Variants in RBM44 observed in about 807,000 individuals in gnomAD.
RBM44 encodes RNA binding motif protein 44.
In RBM44, 66 loss-of-function variants were observed where a neutral mutation model predicts 105.1. The ratio of observed to expected loss-of-function variants is 0.63; its 90% CI spans 0.52 to 0.77. The LOEUF (loss-of-function observed/expected upper bound fraction) is 0.77. Ranked by LOEUF, RBM44 falls within the 30% of genes least tolerant of loss-of-function variation. The probability of loss-of-function intolerance (pLI) is 0.00; values close to 1 mark genes in which losing one functional copy is unlikely to be tolerated. For synonymous variants in RBM44, 365 were observed against 417.6 expected (o/e 0.87, Z 1.54); for missense variants, 1,122 against 1,207.8 (o/e 0.93, Z 1.05).
At chr2:237,816,926 C>A in intron 2 of RBM44, 67 bp from the exon 3 acceptor site, 1 of 986,846 alleles carries the variant, frequency 1.0e-6, no homozygotes, top group Non-Finnish European at 1.5e-6. Flanking sequence ...CAGATCATGT[C>A]TAAGGTTTTT....
rs748437404 is a variant in RBM44, at chr2:237,826,631, G to A, written c.2450-619G>A. On this transcript the variant is annotated intron_variant, in intron 10 of 15. Transcript: ENST00000316997. ...CTAGCTCTAGCCAGCATTAACACTA[G>A]GGAGTTAAGATCCTGTGTGTGTCCA... Among the ~76,000 whole-genome samples the A allele has an allele frequency of 1.1e-3, 165 of 152,198 alleles. 1 individual carries two copies. The highest frequency in any genetic ancestry group is 7.1e-4 in the Non-Finnish European group (48 of 68,002).
chr2:237,806,919 A>G (rs2150968869), intron 1 of RBM44, among the ~76,000 whole-genome samples: 1 of 152,252 alleles, frequency 6.6e-6, no homozygotes, highest in East Asian at 1.9e-4. Flanking sequence ...CTGCCACAAT[A>G]TCTACTTTTT....
In RBM44 at chr2:237,817,157, T is replaced by A. The variant is rs2061727473; in HGVS notation, c.238T>A (p.Phe80Ile). 2 of 1,605,548 alleles carry A rather than the reference T, an allele frequency of 1.2e-6. No individual in the cohort carries two copies. The highest frequency in any genetic ancestry group is 1.7e-6 in the Non-Finnish European group (2 of 1,176,366). The change falls in exon 3 of 16, where the codon TTT becomes ATT. Residue 80 changes from phenylalanine to isoleucine, a missense_variant. Around this residue, in one of 3 missense-constraint regions of RBM44, gnomAD observed 918 missense variants for 955.3 expected, o/e 0.96. Coordinates refer to ENST00000316997, the MANE Select transcript of RBM44 (RefSeq NM_001080504.3). ...NIDKMDLLEP[F>I]FSVSQDTNTE... ...TGACAAAATGGATTTATTAGAGCCATTTTTTTCAGTGAGTCAAGATACTAA... is the reference window on the plus strand; with the variant it reads ...TGACAAAATGGATTTATTAGAGCCAATTTTTTCAGTGAGTCAAGATACTAA...
At chr2:237,811,522 G>C (rs1367805164) in intron 1 of RBM44, among the ~76,000 whole-genome samples, 1 of 151,704 alleles carries the variant, frequency 6.6e-6, no homozygotes, top group East Asian at 1.9e-4. Context: ...TGCCCACCTT[G>C]GCCTCCAAAA....
chr2:237,827,205 CAG>C, intron 10 of RBM44, 43 bp from the exon 11 acceptor site: 4 of 1,039,018 alleles, frequency 3.8e-6, no homozygotes, highest in Non-Finnish European at 4.3e-6. Flanking sequence ...TGAAACATAT[CAG>C]TACAATAAAG....
chr2:237,822,650 G>T (rs1403183213), intron 8 of RBM44, among the ~76,000 whole-genome samples: 1 of 151,970 alleles, frequency 6.6e-6, no homozygotes, highest in Non-Finnish European at 1.5e-5. Context: ...AGAATTAACA[G>T]GTCAAAAACT....
chr2:237,809,375 G>A lies in RBM44; in HGVS notation c.-18-4217G>A, dbSNP rs1036996610. On this transcript the variant is annotated intron_variant, in intron 1 of 15. Transcript: ENST00000316997. ...TTTTTAAACTTTTTTCTTGACCCCC[G>A]ACTGTCTCCTTTCTTTGTTTCCCTT... Among the ~76,000 whole-genome samples the A allele has an allele frequency of 6.6e-5, 10 of 151,896 alleles. No homozygotes were observed. In the South Asian group the frequency reaches 1.2e-3, roughly 19 times the overall value.
rs1553725225 is a variant in RBM44, at chr2:237,803,331, T to TCTCA, written c.-19+4471_-19+4472insTCAC. On this transcript the variant is annotated intron_variant, in intron 1 of 15. Transcript: ENST00000316997. The surrounding 1 kb of genome is among the most constrained non-coding windows in gnomAD (Gnocchi z 4.2). ...CACACACACACACATACTCTCTCTC[T>TCTCA]CACACACACACACATACTTTCTCTC... Among the ~76,000 whole-genome samples, 425 of 150,510 alleles carry TCTCA rather than the reference T, an allele frequency of 2.8e-3. 5 individuals carry two copies. The highest frequency in any genetic ancestry group is 1.0e-2 in the African/African-American group (410 of 41,016).
At chr2:237,819,650 T>C (rs1274635450) in intron 4 of RBM44, among the ~76,000 whole-genome samples, 2 of 152,008 alleles carry the variant, frequency 1.3e-5, no homozygotes, top group Non-Finnish European at 2.9e-5. Context: ...AAAAACATAG[T>C]GATTTGGGGC....
chr2:237,801,690 T>A (rs2061547944), intron 1 of RBM44, among the ~76,000 whole-genome samples: 1 of 152,206 alleles, frequency 6.6e-6, no homozygotes, highest in Non-Finnish European at 1.5e-5. Flanking sequence ...AAGGAATGAC[T>A]CTTAACTTGG....
chr2:237,835,408 G>C (rs1440908727), intron 15 of RBM44, among the ~76,000 whole-genome samples: 1 of 152,176 alleles, frequency 6.6e-6, no homozygotes, highest in East Asian at 1.9e-4. Flanking sequence ...GCTTAGTGAG[G>C]AAGGCATGTC....
intron 13 of RBM44, 78 bp from the exon 14 acceptor site, chr2:237,833,914 ATATAT>A: frequency 1.5e-6 from 1 of 664,848 alleles, no homozygotes; most frequent in Non-Finnish European, 2.2e-6. Context: ...TAATTTTCAA[ATATAT>A]TATTGTTGAA....
chr2:237,837,557 A>G (rs189332023), intron 15 of RBM44, among the ~76,000 whole-genome samples: 4 of 152,380 alleles, frequency 2.6e-5, no homozygotes, highest in African/African-American at 9.6e-5. Flanking sequence ...ATAGCAAGAC[A>G]ATTCAAATTA....
At chr2:237,813,436 T>C (rs2061678872) in intron 1 of RBM44, among the ~76,000 whole-genome samples, 156 bp from the exon 2 acceptor site, 1 of 152,204 alleles carries the variant, frequency 6.6e-6, no homozygotes, top group South Asian at 2.1e-4. Flanking sequence ...AAGACTCAAT[T>C]TTTTAGATTT....
At position 237,833,980 on chromosome 2, in the gene RBM44, T is replaced by C; in HGVS notation, c.2887-17T>C. On this transcript the variant is annotated splice_polypyrimidine_tract_variant and intron_variant, in intron 13 of 15. Coordinates refer to ENST00000316997, the MANE Select transcript of RBM44 (RefSeq NM_001080504.3). Reference sequence around the variant, plus strand: ...GTCCTTACTGATTTTAAGAAAACTTTTTAAATGCTTATTTAGGGTGTCAAG... The same window carrying C: ...GTCCTTACTGATTTTAAGAAAACTTCTTAAATGCTTATTTAGGGTGTCAAG... The C allele has an allele frequency of 6.8e-7, 1 of 1,468,622 alleles. No individual in the cohort carries two copies. The highest frequency in any genetic ancestry group is 9.1e-7 in the Non-Finnish European group (1 of 1,099,248). 91.0% of individuals were successfully genotyped at this position (1,468,622 alleles called of 1,614,324 possible).
rs763703810 is a variant in RBM44 at position 237,820,153 on chromosome 2, A to G, written c.1737-22A>G. ...AGAAAAATGTTTGGAATCTTACCTG[A>G]TCCTATCTTTTATTTTTAAAGGGAA... On this transcript the variant is annotated intron_variant, in intron 4 of 15. Transcript: ENST00000316997. The G allele has an allele frequency of 2.9e-6, 4 of 1,397,382 alleles. No homozygotes were observed. In the South Asian group the frequency reaches 5.6e-5, roughly 20 times the overall value. The allele number at this position is 1,397,382 out of a possible 1,614,324, so 86.6% of individuals were successfully genotyped here.
chr2:237,822,586 A>G (rs2061804597), intron 8 of RBM44, among the ~76,000 whole-genome samples: 2 of 152,146 alleles, frequency 1.3e-5, no homozygotes, highest in Non-Finnish European at 1.5e-5. Context: ...AATTACTTTA[A>G]CATTGTCTAT....
At chr2:237,833,336 C>T (rs951350163) in intron 13 of RBM44, among the ~76,000 whole-genome samples, 1 of 152,130 alleles carries the variant, frequency 6.6e-6, no homozygotes, top group African/African-American at 2.4e-5. Context: ...CTTTGTTGAA[C>T]TTTTATGGGA....
chr2:237,828,134 A>G (rs1394366213), intron 12 of RBM44, among the ~76,000 whole-genome samples: 3 of 152,144 alleles, frequency 2.0e-5, no homozygotes, highest in Non-Finnish European at 4.4e-5. Context: ...CTGAGTATGT[A>G]TGTTGCTACT....
Sources: allele counts gnomAD v4.1 joint callset (sites outside exome capture counted in the v4.1 genomes callset), GRCh38; gene constraint gnomAD v4.1.1; regional missense constraint gnomAD v4.1.1; non-coding constraint Gnocchi (gnomAD v3.1); transcripts MANE v1.5; gene names NCBI Gene and HGNC (gene_info 2026-07-23, HGNC 2026-07-21).